GTF3C2: variants seen among roughly 807,000 people sequenced by gnomAD.
GTF3C2 encodes general transcription factor IIIC subunit 2, also known as general transcription factor 3C polypeptide 2.
A neutral mutation model predicts 117.4 loss-of-function variants in GTF3C2; 17 were observed. The ratio of observed to expected loss-of-function variants is 0.14; its 90% confidence interval spans 0.10 to 0.22. GTF3C2 has a LOEUF of 0.22. Ranked by LOEUF, GTF3C2 falls within the 10% of genes least tolerant of loss-of-function variation. The pLI is 1.00. For synonymous variants in GTF3C2, 437 were observed against 427.0 expected (o/e 1.02, Z -0.29); for missense variants, 888 against 1,143.6 (o/e 0.78, Z 3.22).
intron 1 of GTF3C2, chr2:27,350,309 C>A: frequency 5.1e-6 from 3 of 583,350 alleles, no homozygotes; most frequent in Non-Finnish European, 6.5e-6. Context: ...CTACCCCAGA[C>A]CTACCGAATC....
intron 1 of GTF3C2, chr2:27,350,709 G>A (rs1681100837): frequency 6.5e-6 from 1 of 153,678 alleles, no homozygotes; most frequent in Non-Finnish European, 1.4e-5. Flanking sequence ...CACTCTGGGA[G>A]GCTGAGGCAG....
rs139051611 is a variant in GTF3C2 at position 27,332,097 on chromosome 2, AGT to A, written c.1732+1556_1732+1557del. ...TTAGCCAATATTTCAGTGTGACTTT[AGT>A]GTCTTTTTCTTCTATAAAATTAAGA... On this transcript the variant is annotated intron_variant, in intron 12 of 18. Coordinates refer to ENST00000264720, the Ensembl canonical transcript of GTF3C2. Among the ~76,000 whole-genome samples, 359 of 152,310 alleles carry A rather than the reference AGT, an allele frequency of 2.4e-3. 4 individuals are homozygous for A. The highest frequency in any genetic ancestry group is 8.3e-3 in the African/African-American group (345 of 41,572).
At chr2:27,328,260 G>T in intron 16 of GTF3C2, 71 bp from the exon 17 acceptor site, 2 of 1,264,560 alleles carry the variant, frequency 1.6e-6, no homozygotes, top group South Asian at 2.7e-5. Context: ...AAGTGGTTTG[G>T]GCAGGAAAGG....
At chr2:27,341,731 C>A (rs1680737312) in intron 4 of GTF3C2, 3 of 558,780 alleles carry the variant, frequency 5.4e-6, no homozygotes, top group Non-Finnish European at 9.6e-6. Flanking sequence ...TAACAGAGAA[C>A]AGATACTCAA....
intron 1 of GTF3C2, chr2:27,350,275 T>C (rs1027676090): frequency 6.9e-6 from 2 of 289,436 alleles, no homozygotes; most frequent in Non-Finnish European, 1.0e-5. Flanking sequence ...ACCTGCAAAT[T>C]TGTTAAAATG....
chr2:27,348,487 C>T (rs772508752), intron 1 of GTF3C2, among the ~76,000 whole-genome samples: 1 of 152,082 alleles, frequency 6.6e-6, no homozygotes, highest in Non-Finnish European at 1.5e-5. Context: ...ACAATAAACA[C>T]ATATCATTTA....
chr2:27,335,422 G>A (rs1039233435), intron 10 of GTF3C2, 176 bp downstream of exon 10: 8 of 712,090 alleles, frequency 1.1e-5, no homozygotes, highest in Non-Finnish European at 1.8e-5. Flanking sequence ...CTGTAAGACT[G>A]CAAAAGAGAG....
At chr2:27,344,869 C>A (rs1680865152) in intron 1 of GTF3C2, among the ~76,000 whole-genome samples, 1 of 152,226 alleles carries the variant, frequency 6.6e-6, no homozygotes, top group Admixed American at 6.5e-5. Context: ...CCTGTAGTCC[C>A]AGCTACTTGG....
At chr2:27,344,954 C>T (rs79575786) in intron 1 of GTF3C2, among the ~76,000 whole-genome samples, 122 of 151,900 alleles carry the variant, frequency 8.0e-4, no homozygotes, top group Non-Finnish European at 1.3e-3. Flanking sequence ...TACCATACTC[C>T]AGCCTGGGTA....
At chr2:27,354,719 C>CCACTAT (rs1348060712) in intron 1 of GTF3C2, among the ~76,000 whole-genome samples, 2 of 152,178 alleles carry the variant, frequency 1.3e-5, no homozygotes, top group Non-Finnish European at 2.9e-5. Context: ...CGATATCACG[C>CCACTAT]CACTGCACTC....
chr2:27,333,147 C>T (rs1018314362), intron 12 of GTF3C2, among the ~76,000 whole-genome samples: 17 of 150,170 alleles, frequency 1.1e-4, no homozygotes, highest in African/African-American at 2.7e-4. Flanking sequence ...CACACCTGGC[C>T]GGCATCTACT....
chr2:27,337,096 G>A (rs2148282631), intron 7 of GTF3C2, 148 bp downstream of exon 7: 2 of 625,822 alleles, frequency 3.2e-6, no homozygotes, highest in South Asian at 4.0e-5. Flanking sequence ...AGAGAGGACT[G>A]ACCAGCTCTA....
chr2:27,343,584 T>C lies in GTF3C2; in HGVS notation c.-24-6A>G. The C allele has an allele frequency of 6.2e-7, 1 of 1,610,856 alleles. No individual in the cohort carries two copies. Among genetic ancestry groups the C allele is most frequent in the Non-Finnish European group, 8.5e-7 (1 of 1,177,686 alleles). ...ACCCCCCAAAATGGCTGCCCCTGCATACAGAGACACACAAATGAGTAGAGG... is the reference window on the plus strand; with the variant it reads ...ACCCCCCAAAATGGCTGCCCCTGCACACAGAGACACACAAATGAGTAGAGG... On this transcript the variant is annotated splice_polypyrimidine_tract_variant and splice_region_variant and intron_variant, in intron 1 of 18. Coordinates refer to ENST00000264720, the Ensembl canonical transcript of GTF3C2.
chr2:27,329,038 C>A lies in GTF3C2; in HGVS notation c.2039+83G>T. 5 of 1,512,074 alleles carry A rather than the reference C, an allele frequency of 3.3e-6. No individual in the cohort carries two copies. Among genetic ancestry groups the A allele is most frequent in the Non-Finnish European group, 4.6e-6 (5 of 1,088,554 alleles). The allele number at this position is 1,512,074 out of a possible 1,614,324, so 93.7% of individuals were successfully genotyped here. ...CCTCAGTGAACCAACTCTCTACCCT[C>A]CTCTCCCCACAACAATCTGGCATGC... is the stretch of plus-strand genomic sequence containing the variant. On this transcript the variant is annotated intron_variant, in intron 14 of 18. Coordinates refer to ENST00000264720, the Ensembl canonical transcript of GTF3C2. This position sits in a 1 kb window ranked among gnomAD's most constrained non-coding sequence, Gnocchi z 4.5.
In GTF3C2 at chr2:27,336,432, A is replaced by G; in HGVS notation, c.1128-7T>C. ...TGCTGTGATCGAGCTAAATCTAGAG[A>G]AAAATCAAAGATGGGATGAAGAAAG... On this transcript the variant is annotated splice_polypyrimidine_tract_variant and splice_region_variant and intron_variant, in intron 7 of 18. Coordinates refer to ENST00000264720, the Ensembl canonical transcript of GTF3C2. 1 of 1,543,454 alleles carries G rather than the reference A, an allele frequency of 6.5e-7. No individual in the cohort carries two copies. The highest frequency in any genetic ancestry group is 2.3e-5 in the East Asian group (1 of 44,376).
intron 4 of GTF3C2, chr2:27,340,016 AG>A (rs1433523604): frequency 2.0e-5 from 3 of 151,104 alleles, no homozygotes; most frequent in African/African-American, 7.3e-5. Context: ...AAGGGAAAAA[AG>A]AAAGTGAATT....
At chr2:27,343,390 G>C (rs764415890) in exon 2 of GTF3C2, 3 of 1,613,600 alleles carry the variant, frequency 1.9e-6, no homozygotes, top group African/African-American at 2.7e-5. Context: ...CAGGCAAAGG[G>C]GTAGGTAATG....
chr2:27,356,354 G>T (rs897853571), intron 1 of GTF3C2: 2 of 332,346 alleles, frequency 6.0e-6, no homozygotes, highest in Non-Finnish European at 1.2e-5. Context: ...TTCAGTCCTG[G>T]GCGTGAAGGT....
chr2:27,336,395 G>C (rs553561937), exon 8 of GTF3C2: 8 of 1,608,470 alleles, frequency 5.0e-6, no homozygotes, highest in Admixed American at 1.7e-5. Flanking sequence ...ACACATCCCA[G>C]CGCTCTGGAT....
Sources: gnomAD v4.1 joint callset for allele counts (sites outside exome capture counted in the v4.1 genomes callset) on GRCh38, gnomAD v4.1.1 for gene constraint, Gnocchi (gnomAD v3.1) non-coding constraint, MANE v1.5 for transcripts, NCBI Gene and HGNC (gene_info 2026-07-23, HGNC 2026-07-21) for gene names.